The following ARL13B variants were observed in gnomAD, a reference collection of about 807,000 sequenced individuals.
ARL13B encodes the protein ADP-ribosylation factor-like protein 13B.
Under a neutral mutation model 56.1 loss-of-function variants are expected in ARL13B, and 36 were observed. The observed-to-expected ratio is 0.64, with a 90% confidence interval of 0.49 to 0.85. The LOEUF is 0.85. Ranked by LOEUF, ARL13B falls within the 40% of genes least tolerant of loss-of-function variation. ARL13B has a pLI of 0.00. For synonymous variants in ARL13B, 178 were observed against 171.1 expected (o/e 1.04, Z -0.32); for missense variants, 519 against 507.1 (o/e 1.02, Z -0.23).
chr3:94,025,607 T>C (rs1275821265), intron 3 of ARL13B, among the ~76,000 whole-genome samples: 2 of 152,170 alleles, frequency 1.3e-5, no homozygotes, highest in African/African-American at 2.4e-5. Flanking sequence ...CTAGCTTCAT[T>C]GGGGAGTTAT....
At chr3:94,016,663 T>TG (rs397875256) in intron 3 of ARL13B, among the ~76,000 whole-genome samples, 2 of 151,526 alleles carry the variant, frequency 1.3e-5, no homozygotes, top group African/African-American at 2.4e-5. Context: ...TTTTTTTTTT[T>TG]GGAGATGGAG....
chr3:94,020,678 A>G (rs1313852187), intron 3 of ARL13B, among the ~76,000 whole-genome samples: 1 of 152,204 alleles, frequency 6.6e-6, no homozygotes, highest in Non-Finnish European at 1.5e-5. Flanking sequence ...CATTTGCTGT[A>G]TTACTTTATT....
chr3:93,991,451 C>A (rs1575934131), intron 1 of ARL13B, among the ~76,000 whole-genome samples: 2 of 152,288 alleles, frequency 1.3e-5, no homozygotes, highest in South Asian at 2.1e-4. Flanking sequence ...GCAGTCATGG[C>A]TCACTGCAGC....
At chr3:94,051,569 T>C (rs1316765626) in intron 9 of ARL13B, among the ~76,000 whole-genome samples, 1 of 152,102 alleles carries the variant, frequency 6.6e-6, no homozygotes, top group East Asian at 1.9e-4. Flanking sequence ...CAAGGAGAAG[T>C]TCTGATTACA....
intron 7 of ARL13B, among the ~76,000 whole-genome samples, chr3:94,046,994 T>A (rs1326253363): frequency 6.6e-6 from 1 of 152,108 alleles, no homozygotes; most frequent in African/African-American, 2.4e-5. Context: ...AGATATACGT[T>A]AAGTTATGTA....
At chr3:94,037,172 T>C (rs1282083744) in intron 5 of ARL13B, among the ~76,000 whole-genome samples, 1 of 152,186 alleles carries the variant, frequency 6.6e-6, no homozygotes, top group Non-Finnish European at 1.5e-5. Flanking sequence ...AAACATCCTA[T>C]GACACACAGG....
chr3:94,053,140 G>T (rs1374589583), intron 9 of ARL13B, 47 bp from the exon 10 acceptor site: 18 of 1,459,664 alleles, frequency 1.2e-5, no homozygotes, highest in Non-Finnish European at 1.7e-5. Context: ...CAAAAATCTT[G>T]ATGTACCATA....
At chr3:94,015,688 A>G (rs2076318722) in intron 3 of ARL13B, among the ~76,000 whole-genome samples, 1 of 152,188 alleles carries the variant, frequency 6.6e-6, no homozygotes, top group Non-Finnish European at 1.5e-5. Context: ...AATTTGGCCA[A>G]TGTAATATTA....
At chr3:93,988,784 GC>G in intron 1 of ARL13B, 4 of 335,874 alleles carry the variant, frequency 1.2e-5, no homozygotes, top group Non-Finnish European at 2.3e-5. Context: ...CCATTTGTTT[GC>G]ATTTTTTTTT....
intron 6 of ARL13B, among the ~76,000 whole-genome samples, chr3:94,041,114 T>C (rs1317507411): frequency 6.6e-6 from 1 of 152,128 alleles, no homozygotes; most frequent in Admixed American, 6.5e-5. Flanking sequence ...TTTTCTCTTT[T>C]TTTCCCCACA....
intron 1 of ARL13B, among the ~76,000 whole-genome samples, chr3:93,992,764 A>C (rs2075897961): frequency 6.6e-6 from 1 of 152,080 alleles, no homozygotes; most frequent in African/African-American, 2.4e-5. Flanking sequence ...TAGTAACTTG[A>C]ATTATCTAAA....
chr3:94,051,698 G>A (rs1248564299), intron 9 of ARL13B, among the ~76,000 whole-genome samples: 1 of 152,028 alleles, frequency 6.6e-6, no homozygotes, highest in Admixed American at 6.5e-5. Context: ...ACAGCTCTGT[G>A]TTTACCTAGT....
chr3:94,042,698 G>T (rs1009514283), intron 6 of ARL13B, among the ~76,000 whole-genome samples: 2 of 152,036 alleles, frequency 1.3e-5, no homozygotes, highest in African/African-American at 2.4e-5. Flanking sequence ...GTATGTGTGG[G>T]GGTTGGCAGA....
At chr3:94,032,407 A>T (rs1442231794) in intron 3 of ARL13B, among the ~76,000 whole-genome samples, 1 of 152,252 alleles carries the variant, frequency 6.6e-6, no homozygotes, top group Non-Finnish European at 1.5e-5. Context: ...AACATAGCAG[A>T]TGTCTGCGAG....
intron 7 of ARL13B, among the ~76,000 whole-genome samples, chr3:94,046,438 C>CT (rs1338737819): frequency 2.0e-5 from 3 of 151,856 alleles, no homozygotes; most frequent in Non-Finnish European, 2.9e-5. Flanking sequence ...ATAGAATGTA[C>CT]TTTTTTGTCT....
At chr3:94,029,793 G>A (rs2076643011) in intron 3 of ARL13B, among the ~76,000 whole-genome samples, 1 of 152,074 alleles carries the variant, frequency 6.6e-6, no homozygotes, top group Admixed American at 6.6e-5. Context: ...CGTAGAACTG[G>A]CTGAATAAAT....
chr3:94,032,460 A>AT (rs1236428265), intron 3 of ARL13B, among the ~76,000 whole-genome samples: 2 of 152,328 alleles, frequency 1.3e-5, no homozygotes, highest in Middle Eastern at 3.4e-3. Flanking sequence ...TGGAATGTAA[A>AT]TTAGTACAAT....
intron 3 of ARL13B, among the ~76,000 whole-genome samples, chr3:94,012,402 A>G (rs2076239563): frequency 6.6e-6 from 1 of 152,188 alleles, no homozygotes; most frequent in African/African-American, 2.4e-5. Context: ...ATGTCAGGAA[A>G]TGGCATCATC....
At chr3:94,010,431 GA>G (rs1240891192) in intron 3 of ARL13B, among the ~76,000 whole-genome samples, 1 of 152,042 alleles carries the variant, frequency 6.6e-6, no homozygotes, top group African/African-American at 2.4e-5. Flanking sequence ...TGTAATTACA[GA>G]AAATGGCACA....
Sources: allele counts gnomAD v4.1 joint callset (sites outside exome capture counted in the v4.1 genomes callset), GRCh38; gene constraint gnomAD v4.1.1; transcripts MANE v1.5; gene names NCBI Gene and HGNC (gene_info 2026-07-23, HGNC 2026-07-21).